The following CALN1 variants were observed in gnomAD, a reference collection of about 807,000 sequenced individuals.
CALN1 encodes calcium-binding protein 8.
A neutral mutation model predicts 30.6 loss-of-function variants in CALN1; 17 were observed. The observed-to-expected ratio is 0.56, with a 90% CI of 0.38 to 0.83. The LOEUF (loss-of-function observed/expected upper bound fraction) is 0.83, where lower values mean the gene tolerates loss of function less well. Ranked by LOEUF, CALN1 falls within the 40% of genes least tolerant of loss-of-function variation. The pLI, the probability that CALN1 is intolerant of heterozygous loss-of-function variation, is 0.00. For missense variants in CALN1, 291 were observed against 354.9 expected, an observed-to-expected ratio of 0.82 and a Z score of 1.45; for synonymous variants, 156 against 131.4, an observed-to-expected ratio of 1.19 and a Z score of -1.28.
intron 5 of CALN1, among the ~76,000 whole-genome samples, chr7:71,984,234 G>A (rs184882145): frequency 4.3e-4 from 66 of 152,270 alleles, no homozygotes; most frequent in African/African-American, 1.5e-3. Context: ...ACAGGCAGAA[G>A]TGTGAAATGA....
At chr7:72,389,305 CAG>C (rs1415492741) in intron 2 of CALN1, among the ~76,000 whole-genome samples, 1 of 152,200 alleles carries the variant, frequency 6.6e-6, no homozygotes, top group African/African-American at 2.4e-5. Context: ...AACTTTGAAT[CAG>C]AAAGTAGAAG....
intron 3 of CALN1, among the ~76,000 whole-genome samples, chr7:72,187,602 C>T (rs980405427): frequency 6.6e-6 from 1 of 152,168 alleles, no homozygotes; most frequent in Admixed American, 6.5e-5. Flanking sequence ...TATCCCAAAA[C>T]CATCCCCGCC....
intron 3 of CALN1, 120 bp from the exon 4 acceptor site, chr7:72,106,414 T>G: frequency 8.4e-7 from 1 of 1,190,236 alleles, no homozygotes; most frequent in Non-Finnish European, 1.2e-6. Flanking sequence ...TTGTTAAAAC[T>G]CTTTAATCAG....
intron 3 of CALN1, among the ~76,000 whole-genome samples, chr7:72,218,358 G>T (rs1793007309): frequency 6.6e-6 from 1 of 152,014 alleles, no homozygotes; most frequent in African/African-American, 2.4e-5. Flanking sequence ...TAAGGCAGGA[G>T]AATCACTTGA....
intron 3 of CALN1, among the ~76,000 whole-genome samples, chr7:72,111,031 GA>G (rs1243942955): frequency 6.6e-6 from 1 of 152,146 alleles, no homozygotes; most frequent in Non-Finnish European, 1.5e-5. Flanking sequence ...GCTTTTCACC[GA>G]AACGTACTCC....
chr7:71,965,683 T>C (rs1300007034), intron 5 of CALN1, among the ~76,000 whole-genome samples: 1 of 152,190 alleles, frequency 6.6e-6, no homozygotes, highest in South Asian at 2.1e-4. Flanking sequence ...TCAACTGATA[T>C]GGTATATGCA....
At chr7:71,884,009 G>C (rs1251017594) in intron 5 of CALN1, among the ~76,000 whole-genome samples, 1 of 152,110 alleles carries the variant, frequency 6.6e-6, no homozygotes, top group Admixed American at 6.5e-5. Context: ...CGCCTCCCAG[G>C]TTCAAGCGAT....
intron 5 of CALN1, among the ~76,000 whole-genome samples, chr7:71,873,202 C>T (rs1792047570): frequency 6.6e-6 from 1 of 151,860 alleles, no homozygotes; most frequent in South Asian, 2.1e-4. Context: ...CAGGGTTTCA[C>T]CACGTTGGCC....
chr7:72,431,089 C>A (rs1180177873), intron 1 of CALN1, among the ~76,000 whole-genome samples: 1 of 151,586 alleles, frequency 6.6e-6, no homozygotes, highest in African/African-American at 2.4e-5. Context: ...GCCACCACAC[C>A]CGGCTAATTT....
intron 5 of CALN1, among the ~76,000 whole-genome samples, chr7:71,906,624 T>C (rs1176438020): frequency 2.0e-5 from 3 of 152,126 alleles, no homozygotes; most frequent in African/African-American, 7.2e-5. Flanking sequence ...ACAAGCTTGA[T>C]GTAGTCAAGC....
chr7:72,434,250 C>A (rs949918098), intron 1 of CALN1, among the ~76,000 whole-genome samples: 1 of 151,528 alleles, frequency 6.6e-6, no homozygotes, highest in Non-Finnish European at 1.5e-5. Flanking sequence ...TGCCTGTAAT[C>A]CCAGCACTTT....
chr7:72,387,440 G>A (rs1033831294), intron 2 of CALN1, among the ~76,000 whole-genome samples: 3 of 152,142 alleles, frequency 2.0e-5, no homozygotes, highest in African/African-American at 7.2e-5. Context: ...TACGGAAAGA[G>A]GGAAAAGTTG....
intron 4 of CALN1, among the ~76,000 whole-genome samples, chr7:72,097,014 A>C (rs1465968549): frequency 6.6e-6 from 1 of 152,184 alleles, no homozygotes; most frequent in East Asian, 1.9e-4. Context: ...TCGTAGGGAC[A>C]TGGATGAAGC....
chr7:72,322,137 G>A (rs1239195557), intron 2 of CALN1, among the ~76,000 whole-genome samples: 1 of 152,114 alleles, frequency 6.6e-6, no homozygotes, highest in African/African-American at 2.4e-5. Flanking sequence ...TGGGAGCCCT[G>A]AGCTTATTTT....
the CALN1 span, among the ~76,000 whole-genome samples, chr7:72,478,103 C>T: frequency 1.3e-5 from 2 of 151,830 alleles, no homozygotes; most frequent in East Asian, 3.9e-4. Context: ...GATGCCAGGG[C>T]CATTGGCTCA....
rs1248668308 is a variant in CALN1, at chr7:72,096,251, C to T, written c.388+9900G>A. 2.6e-5 allele frequency among the ~76,000 whole-genome samples: 4 copies of T among 152,234 alleles called. No individual in the cohort carries two copies. The East Asian group carries it at 5.8e-4, about 22-fold the overall frequency. ...CACCAGGTCTCTGCACATGCAAGCA[C>T]TTTGAGGGCCACCTGCATTCAGACA... On this transcript the variant is annotated intron_variant, in intron 4 of 6. Coordinates refer to ENST00000395275, the MANE Select transcript of CALN1 (RefSeq NM_031468.4).
At chr7:72,501,928 AATATAT>A in the CALN1 span, among the ~76,000 whole-genome samples, 3 of 57,942 alleles carry the variant, frequency 5.2e-5, no homozygotes, top group South Asian at 1.0e-3. Context: ...AAAAAAAAAA[AATATAT>A]ATATATATAT....
At chr7:71,927,830 CA>C (rs1795344234) in intron 5 of CALN1, among the ~76,000 whole-genome samples, 1 of 152,152 alleles carries the variant, frequency 6.6e-6, no homozygotes, top group South Asian at 2.1e-4. Context: ...CTGTAGCAGC[CA>C]AATGATGTCT....
chr7:71,925,453 A>T (rs975305615), intron 5 of CALN1, among the ~76,000 whole-genome samples: 5 of 149,128 alleles, frequency 3.4e-5, no homozygotes, highest in African/African-American at 4.9e-5. Context: ...TCTGCTGCTA[A>T]TGTGTTCTCA....
Sources: allele counts gnomAD v4.1 joint callset (sites outside exome capture counted in the v4.1 genomes callset), GRCh38; gene constraint gnomAD v4.1.1; transcripts MANE v1.5; gene names NCBI Gene and HGNC (gene_info 2026-07-23, HGNC 2026-07-21).